The following CENPP variants were observed in gnomAD, a reference collection of about 807,000 sequenced individuals.
The protein encoded by CENPP is centromere protein P.
In CENPP, 24 loss-of-function variants were observed where a neutral mutation model predicts 35.6. The ratio of observed to expected loss-of-function variants is 0.67; its 90% confidence interval spans 0.49 to 0.95. The LOEUF (loss-of-function observed/expected upper bound fraction) is 0.95. Ranked by LOEUF, CENPP falls within the 40% of genes least tolerant of loss-of-function variation. The probability of loss-of-function intolerance (pLI) is 0.00; values close to 1 mark genes in which losing one functional copy is unlikely to be tolerated. For synonymous variants in CENPP, 120 were observed against 125.5 expected (o/e 0.96, Z 0.29); for missense variants, 332 against 345.3 (o/e 0.96, Z 0.31).
chr9:92,578,582 G>C (rs529132083), intron 5 of CENPP, among the ~76,000 whole-genome samples: 3 of 152,294 alleles, frequency 2.0e-5, no homozygotes, highest in African/African-American at 7.2e-5. Flanking sequence ...GTGTCTGTTG[G>C]CTGCATAAAT....
At chr9:92,376,437 A>G (rs1448782972) in intron 4 of CENPP, among the ~76,000 whole-genome samples, 1 of 152,204 alleles carries the variant, frequency 6.6e-6, no homozygotes, top group Non-Finnish European at 1.5e-5. Context: ...CAGGACATGA[A>G]CACACCACTG....
At chr9:92,424,279 TAACTGAGTCTCTTAAA>T (rs1372528619) in intron 5 of CENPP, 1 of 152,238 alleles carries the variant, frequency 6.6e-6, no homozygotes, top group Non-Finnish European at 1.5e-5. Context: ...CTAAATTCTT[TAACTGAGTCTCTTAAA>T]AATCCACAGT....
At chr9:92,482,973 C>T (rs969542665) in intron 5 of CENPP, among the ~76,000 whole-genome samples, 1 of 151,576 alleles carries the variant, frequency 6.6e-6, no homozygotes, top group Admixed American at 6.6e-5. Flanking sequence ...GGATGAGGCT[C>T]CATGAACTGC....
intron 5 of CENPP, among the ~76,000 whole-genome samples, chr9:92,419,118 A>T (rs963553699): frequency 9.2e-5 from 14 of 152,276 alleles, no homozygotes; most frequent in African/African-American, 3.1e-4. Flanking sequence ...TTCACAATGA[A>T]CACTCAGTGC....
chr9:92,383,173 C>G (rs1237259609), intron 5 of CENPP, among the ~76,000 whole-genome samples: 1 of 152,190 alleles, frequency 6.6e-6, no homozygotes, highest in African/African-American at 2.4e-5. Flanking sequence ...GCTGGGATTA[C>G]AGGTGTGAGC....
intron 5 of CENPP, among the ~76,000 whole-genome samples, chr9:92,557,843 A>G (rs1329413272): frequency 3.3e-5 from 5 of 151,842 alleles, no homozygotes; most frequent in Non-Finnish European, 7.4e-5. Flanking sequence ...CGGGATTTCA[A>G]CATGTTGGCC....
intron 1 of CENPP, among the ~76,000 whole-genome samples, chr9:92,330,034 A>G (rs1247606226): frequency 1.3e-5 from 2 of 152,230 alleles, no homozygotes; most frequent in African/African-American, 4.8e-5. Context: ...AGTGTGAAGA[A>G]TATAGAGTTA....
intron 5 of CENPP, among the ~76,000 whole-genome samples, chr9:92,583,436 G>A (rs1239247446): frequency 1.3e-5 from 2 of 152,152 alleles, no homozygotes; most frequent in East Asian, 3.9e-4. Context: ...CTGTCGGTAT[G>A]TATTGGTTTG....
intron 5 of CENPP, among the ~76,000 whole-genome samples, chr9:92,496,758 G>C (rs1846366933): frequency 6.6e-6 from 1 of 152,136 alleles, no homozygotes; most frequent in African/African-American, 2.4e-5. Context: ...AAAATTTACT[G>C]CAGGTTTTAA....
intron 5 of CENPP, among the ~76,000 whole-genome samples, chr9:92,602,069 G>A (rs1388836215): frequency 6.6e-6 from 1 of 152,182 alleles, no homozygotes; most frequent in Non-Finnish European, 1.5e-5. Flanking sequence ...AGCTGATGAT[G>A]CCAGAGAGTA....
intron 5 of CENPP, among the ~76,000 whole-genome samples, chr9:92,442,302 G>A (rs1844415220): frequency 1.3e-5 from 2 of 150,852 alleles, no homozygotes. Flanking sequence ...GGAGGCTGAC[G>A]CAGGAGAATC....
chr9:92,490,906 T>A (rs1017200384), intron 5 of CENPP, among the ~76,000 whole-genome samples: 4 of 152,228 alleles, frequency 2.6e-5, no homozygotes, highest in Non-Finnish European at 5.9e-5. Context: ...TCCTTAAATT[T>A]TGCAGGTTCC....
chr9:92,517,575 G>A lies in CENPP; in HGVS notation c.565-93739G>A, dbSNP rs541233106. The A allele has an allele frequency of 4.3e-6, 6 of 1,398,836 alleles. No homozygotes were observed. The East Asian group carries it at 1.4e-4, about 32-fold the overall frequency. The allele number at this position is 1,398,836 out of a possible 1,614,324, so 86.7% of individuals were successfully genotyped here. On this transcript the variant is annotated intron_variant, in intron 5 of 7. Coordinates refer to ENST00000375587, the MANE Select transcript of CENPP (RefSeq NM_001012267.3). ...AATCAGCATTTTGCCAATATTTTAA[G>A]TACTCAGATCTGACTAATGTATCAT...
At chr9:92,416,646 G>A in intron 5 of CENPP, 5 of 1,593,882 alleles carry the variant, frequency 3.1e-6, no homozygotes, top group Non-Finnish European at 4.3e-6. Context: ...TGTAGGTATA[G>A]GTGTTCCAAA....
chr9:92,584,752 A>G (rs536160554), intron 5 of CENPP, among the ~76,000 whole-genome samples: 1 of 152,334 alleles, frequency 6.6e-6, no homozygotes, highest in South Asian at 2.1e-4. Flanking sequence ...AAATTAAAAC[A>G]TCTATATAAA....
Position 92,388,997 on chromosome 9 carries a change from A to T in CENPP, c.564+9138A>T, listed in dbSNP as rs570918005. On this transcript the variant is annotated intron_variant, in intron 5 of 7. Coordinates refer to ENST00000375587, the MANE Select transcript of CENPP (RefSeq NM_001012267.3). ...ATTGTAATGAAAAATGAAAAAATGG[A>T]CTATTTGTACACTTTCTAACAGATT... Among the ~76,000 whole-genome samples, 3 of 152,258 alleles carry T rather than the reference A, an allele frequency of 2.0e-5. No individual in the cohort carries two copies. The East Asian group carries it at 5.8e-4, about 29-fold the overall frequency.
chr9:92,381,897 C>T (rs77827920), intron 5 of CENPP, among the ~76,000 whole-genome samples: 8 of 133,700 alleles, frequency 6.0e-5, no homozygotes, highest in Non-Finnish European at 6.4e-5. Context: ...TTATTTTCTG[C>T]TTTTTTTTTT....
intron 5 of CENPP, among the ~76,000 whole-genome samples, chr9:92,609,249 A>G (rs914316697): frequency 6.6e-6 from 1 of 152,226 alleles, no homozygotes; most frequent in Non-Finnish European, 1.5e-5. Flanking sequence ...CTGGGCCCAC[A>G]TGCACAGGGT....
intron 5 of CENPP, among the ~76,000 whole-genome samples, chr9:92,432,742 A>C (rs143837382): frequency 1.3e-3 from 195 of 152,310 alleles, no homozygotes; most frequent in African/African-American, 4.4e-3. Context: ...TTCTACAATG[A>C]CTGGTAACTT....
Sources: allele counts gnomAD v4.1 joint callset (sites outside exome capture counted in the v4.1 genomes callset), GRCh38; gene constraint gnomAD v4.1.1; transcripts MANE v1.5; gene names NCBI Gene and HGNC (gene_info 2026-07-23, HGNC 2026-07-21).